The following DIS3L2 variants were observed in gnomAD, a reference collection of about 807,000 sequenced individuals.
DIS3L2 encodes the protein DIS3 like 3'-5' exoribonuclease 2, also known as DIS3-like exonuclease 2.
DIS3L2 carries 34 observed loss-of-function variants against 97.5 expected under a neutral mutation model. That is an observed-to-expected ratio of 0.35 (90% confidence interval 0.27 to 0.46). DIS3L2 has a LOEUF of 0.46. Ranked by LOEUF, DIS3L2 falls within the 20% of genes least tolerant of loss-of-function variation. The pLI, the probability that DIS3L2 is intolerant of heterozygous loss-of-function variation, is 1.00. For synonymous variants in DIS3L2, 435 were observed against 445.2 expected, an observed-to-expected ratio of 0.98 and a Z score of 0.29; for missense variants, 1,038 against 1,146.0, an observed-to-expected ratio of 0.91 and a Z score of 1.36.
chr2:232,162,322 A>G (rs541434088), intron 8 of DIS3L2, among the ~76,000 whole-genome samples: 1 of 152,262 alleles, frequency 6.6e-6, no homozygotes, highest in African/African-American at 2.4e-5. Flanking sequence ...GGGCGGGTGC[A>G]CAAGTAGACT....
At chr2:232,283,002 G>A (rs1694336381) in intron 13 of DIS3L2, among the ~76,000 whole-genome samples, 1 of 152,180 alleles carries the variant, frequency 6.6e-6, no homozygotes, top group African/African-American at 2.4e-5. Context: ...TTTAAGGGCT[G>A]GCATGGTCAT....
chr2:231,969,596 C>T (rs988535151), intron 1 of DIS3L2, among the ~76,000 whole-genome samples: 2 of 152,160 alleles, frequency 1.3e-5, no homozygotes, highest in Admixed American at 6.5e-5. Context: ...CAGGCGTGAA[C>T]CACTGCGCCT....
intron 5 of DIS3L2, among the ~76,000 whole-genome samples, chr2:232,050,119 A>G (rs529306173): frequency 6.6e-6 from 1 of 151,968 alleles, no homozygotes; most frequent in East Asian, 1.9e-4. Flanking sequence ...CTTAGTTTTC[A>G]TTTTCCTGGA....
At chr2:232,172,399 G>A (rs1006214269) in intron 9 of DIS3L2, among the ~76,000 whole-genome samples, 1 of 152,150 alleles carries the variant, frequency 6.6e-6, no homozygotes, top group African/African-American at 2.4e-5. Flanking sequence ...ACAGCAAGTT[G>A]CCTTTGGTAG....
At chr2:232,266,006 C>G (rs1693848410) in intron 13 of DIS3L2, among the ~76,000 whole-genome samples, 1 of 152,134 alleles carries the variant, frequency 6.6e-6, no homozygotes, top group African/African-American at 2.4e-5. Context: ...TCTTCTTTTT[C>G]TAACTTCTAG....
intron 6 of DIS3L2, among the ~76,000 whole-genome samples, chr2:232,096,684 C>G (rs1433230249): frequency 6.6e-6 from 1 of 151,868 alleles, no homozygotes; most frequent in African/African-American, 2.4e-5. Context: ...CTTTGTTCTC[C>G]TTGATCAGTT....
chr2:232,055,493 TAAC>T, intron 5 of DIS3L2, among the ~76,000 whole-genome samples: 1 of 152,250 alleles, frequency 6.6e-6, no homozygotes, highest in Admixed American at 6.5e-5. Flanking sequence ...AAAGATGCTC[TAAC>T]TAAATGGTCA....
chr2:231,997,511 A>G (rs1693762946), intron 1 of DIS3L2, among the ~76,000 whole-genome samples: 1 of 152,302 alleles, frequency 6.6e-6, no homozygotes, highest in African/African-American at 2.4e-5. Flanking sequence ...CCTTTAATTG[A>G]TTATTTGAAC....
intron 5 of DIS3L2, among the ~76,000 whole-genome samples, chr2:232,075,931 G>A (rs1333030281): frequency 6.6e-6 from 1 of 152,058 alleles, no homozygotes; most frequent in Non-Finnish European, 1.5e-5. Context: ...AGACACTCTT[G>A]TCCCCATTTT....
intron 20 of DIS3L2, chr2:232,336,134 C>T (rs1352940343): frequency 6.5e-7 from 1 of 1,536,908 alleles, no homozygotes; most frequent in Non-Finnish European, 8.8e-7. Context: ...GGGTGCTGGC[C>T]TTCTAGGGTC....
chr2:232,041,099 G>A (rs1473000253), intron 5 of DIS3L2, among the ~76,000 whole-genome samples: 2 of 152,184 alleles, frequency 1.3e-5, no homozygotes, highest in African/African-American at 4.8e-5. Context: ...TAGAATTCTA[G>A]TGGTTGTATC....
intron 10 of DIS3L2, among the ~76,000 whole-genome samples, chr2:232,221,262 C>T (rs1692499858): frequency 6.6e-6 from 1 of 152,202 alleles, no homozygotes; most frequent in South Asian, 2.1e-4. Flanking sequence ...TTTTAAGCAT[C>T]GTTTTTTGTT....
At chr2:232,114,022 G>T (rs903460079) in intron 6 of DIS3L2, among the ~76,000 whole-genome samples, 1 of 152,158 alleles carries the variant, frequency 6.6e-6, no homozygotes, top group Non-Finnish European at 1.5e-5. Context: ...ATCTGATCTT[G>T]TGGCCTCCAC....
chr2:232,055,201 A>G (rs1397186341), intron 5 of DIS3L2, among the ~76,000 whole-genome samples: 1 of 152,244 alleles, frequency 6.6e-6, no homozygotes, highest in Non-Finnish European at 1.5e-5. Flanking sequence ...GCTCACTATC[A>G]TTACTTTTAT....
intron 12 of DIS3L2, among the ~76,000 whole-genome samples, chr2:232,262,477 G>C (rs1203036102): frequency 6.6e-6 from 1 of 152,188 alleles, no homozygotes; most frequent in Non-Finnish European, 1.5e-5. Flanking sequence ...TTCTCAGCCT[G>C]GGCCAGCTTT....
intron 6 of DIS3L2, among the ~76,000 whole-genome samples, chr2:232,106,044 C>A (rs747481767): frequency 1.7e-4 from 26 of 152,120 alleles, no homozygotes; most frequent in Non-Finnish European, 3.5e-4. Flanking sequence ...TTCCTTACTT[C>A]CTTTTCCATG....
intron 1 of DIS3L2, among the ~76,000 whole-genome samples, chr2:232,009,849 G>A (rs769924266): frequency 3.3e-5 from 5 of 152,118 alleles, no homozygotes; most frequent in East Asian, 1.9e-4. Flanking sequence ...TGTTGCTTGC[G>A]CTGACTGGCA....
At chr2:232,342,907 G>A (rs1353778293) in intron 13 of DIS3L2, among the ~76,000 whole-genome samples, 1 of 152,160 alleles carries the variant, frequency 6.6e-6, no homozygotes, top group South Asian at 2.1e-4. Context: ...CTGCAGAAGA[G>A]TGTGCCCCAG....
chr2:232,296,653 T>A (rs1423438650), intron 13 of DIS3L2, among the ~76,000 whole-genome samples: 1 of 152,214 alleles, frequency 6.6e-6, no homozygotes, highest in Non-Finnish European at 1.5e-5. Flanking sequence ...CACGTAAGAC[T>A]TGCCTTTGCT....
Sources: gnomAD v4.1 joint callset for allele counts (sites outside exome capture counted in the v4.1 genomes callset) on GRCh38, gnomAD v4.1.1 for gene constraint, MANE v1.5 for transcripts, NCBI Gene and HGNC (gene_info 2026-07-23, HGNC 2026-07-21) for gene names.